CNTNAP2: variants seen among roughly 807,000 people sequenced by gnomAD.
CNTNAP2 encodes the protein contactin associated protein 2.
In CNTNAP2, 98 loss-of-function variants were observed where a neutral mutation model predicts 155.2. That is an observed-to-expected ratio of 0.63 (90% CI 0.54 to 0.75). The LOEUF is 0.75. Ranked by LOEUF, CNTNAP2 falls within the 30% of genes least tolerant of loss-of-function variation. The pLI is 0.00. For missense variants in CNTNAP2, 1,727 were observed against 1,688.1 expected (o/e 1.02, Z -0.40); for synonymous variants, 651 against 631.2 (o/e 1.03, Z -0.47).
intron 1 of CNTNAP2, among the ~76,000 whole-genome samples, chr7:146,158,055 G>A (rs1255758037): frequency 1.3e-5 from 2 of 152,154 alleles, no homozygotes; most frequent in South Asian, 2.1e-4. Context: ...GAAAGATCAG[G>A]CAGCAACATC....
chr7:148,395,577 G>A (rs1003183267), intron 22 of CNTNAP2, among the ~76,000 whole-genome samples: 2 of 152,058 alleles, frequency 1.3e-5, no homozygotes, highest in Non-Finnish European at 2.9e-5. Context: ...TTGGGGGTGC[G>A]CTCTGTCAAG....
chr7:146,576,930 C>A (rs904533559), intron 1 of CNTNAP2, among the ~76,000 whole-genome samples: 2 of 152,034 alleles, frequency 1.3e-5, no homozygotes, highest in African/African-American at 4.8e-5. Flanking sequence ...GAGGGCTCCA[C>A]CATAATAACT....
intron 3 of CNTNAP2, among the ~76,000 whole-genome samples, chr7:146,947,765 G>A (rs1797220674): frequency 6.6e-6 from 1 of 151,214 alleles, no homozygotes; most frequent in African/African-American, 2.4e-5. Context: ...AAAATTAGCT[G>A]GACATGGTGG....
At chr7:146,749,736 T>A (rs1203055211) in intron 1 of CNTNAP2, among the ~76,000 whole-genome samples, 1 of 152,130 alleles carries the variant, frequency 6.6e-6, no homozygotes, top group Admixed American at 6.5e-5. Context: ...TTAAACAAAT[T>A]TAATTGTGGT....
intron 17 of CNTNAP2, among the ~76,000 whole-genome samples, chr7:148,159,603 G>A (rs567077643): frequency 6.6e-6 from 1 of 152,038 alleles, no homozygotes; most frequent in Non-Finnish European, 1.5e-5. Context: ...AACCCTCCAG[G>A]GAATATATTT....
chr7:146,506,279 G>A (rs1396838427), intron 1 of CNTNAP2, among the ~76,000 whole-genome samples: 1 of 152,180 alleles, frequency 6.6e-6, no homozygotes, highest in Admixed American at 6.5e-5. Context: ...CTAGTCAAGA[G>A]CATCCACCCT....
chr7:146,843,228 G>T (rs1449534507), intron 3 of CNTNAP2, among the ~76,000 whole-genome samples: 1 of 141,610 alleles, frequency 7.1e-6, no homozygotes, highest in Non-Finnish European at 1.5e-5. Context: ...TAGCCAGGAT[G>T]GTCTCGATCT....
intron 9 of CNTNAP2, among the ~76,000 whole-genome samples, chr7:147,341,832 C>T (rs1342966295): frequency 1.3e-5 from 2 of 151,086 alleles, no homozygotes; most frequent in African/African-American, 4.9e-5. Context: ...ATATAAGAAA[C>T]CATTTATTCA....
At chr7:148,120,367 G>T (rs887092710) in intron 16 of CNTNAP2, among the ~76,000 whole-genome samples, 1 of 151,730 alleles carries the variant, frequency 6.6e-6, no homozygotes, top group African/African-American at 2.4e-5. Flanking sequence ...CCCAGGCTCA[G>T]GTGATCCTCC....
At chr7:146,906,095 G>A (rs988973553) in intron 3 of CNTNAP2, among the ~76,000 whole-genome samples, 6 of 152,206 alleles carry the variant, frequency 3.9e-5, no homozygotes, top group Admixed American at 6.5e-5. Flanking sequence ...CTTTCAGACC[G>A]GCTTAAAAAA....
intron 13 of CNTNAP2, among the ~76,000 whole-genome samples, chr7:147,779,553 A>G (rs907875503): frequency 1.4e-4 from 22 of 152,150 alleles, no homozygotes; most frequent in African/African-American, 4.8e-4. Flanking sequence ...ATGTAATCTC[A>G]TTTTTTCAAG....
At chr7:148,323,262 T>G (rs1185284773) in intron 21 of CNTNAP2, among the ~76,000 whole-genome samples, 1 of 151,276 alleles carries the variant, frequency 6.6e-6, no homozygotes, top group African/African-American at 2.4e-5. Context: ...TGGTCCTTCT[T>G]CTGTGCCATA....
chr7:147,306,776 C>T (rs945163022), intron 9 of CNTNAP2, among the ~76,000 whole-genome samples: 6 of 151,922 alleles, frequency 3.9e-5, no homozygotes, highest in Admixed American at 1.3e-4. Flanking sequence ...TTGGTTGACC[C>T]GAAAAATTTT....
chr7:147,385,477 G>C (rs1001560915), intron 9 of CNTNAP2, among the ~76,000 whole-genome samples: 1 of 152,200 alleles, frequency 6.6e-6, no homozygotes, highest in African/African-American at 2.4e-5. Flanking sequence ...CAGGCATTGG[G>C]TTACTAGAGC....
chr7:147,013,722 A>G (rs1798667963), intron 3 of CNTNAP2, among the ~76,000 whole-genome samples: 1 of 152,148 alleles, frequency 6.6e-6, no homozygotes, highest in Non-Finnish European at 1.5e-5. Flanking sequence ...CTTGTGACAT[A>G]TAAGGAAGTA....
intron 1 of CNTNAP2, among the ~76,000 whole-genome samples, chr7:146,265,494 C>T (rs754619639): frequency 7.4e-5 from 11 of 148,828 alleles, no homozygotes; most frequent in Non-Finnish European, 1.6e-4. Flanking sequence ...GTTTCACTCC[C>T]GTCATCCAGA....
At chr7:147,674,539 A>G (rs1000451748) in intron 13 of CNTNAP2, among the ~76,000 whole-genome samples, 4 of 152,174 alleles carry the variant, frequency 2.6e-5, no homozygotes, top group Non-Finnish European at 4.4e-5. Flanking sequence ...TATTATTTAT[A>G]GAGTTATTTA....
intron 3 of CNTNAP2, among the ~76,000 whole-genome samples, chr7:146,897,333 G>A (rs1795898569): frequency 6.6e-6 from 1 of 152,126 alleles, no homozygotes; most frequent in South Asian, 2.1e-4. Flanking sequence ...GGCCATGTTT[G>A]AACTTGGAGG....
intron 13 of CNTNAP2, among the ~76,000 whole-genome samples, chr7:147,851,827 T>C (rs1003988560): frequency 2.0e-5 from 3 of 151,794 alleles, no homozygotes; most frequent in Non-Finnish European, 4.4e-5. Context: ...AGTTAATGGG[T>C]GCAGCACACC....
Sources: gnomAD v4.1 joint callset for allele counts (sites outside exome capture counted in the v4.1 genomes callset) on GRCh38, gnomAD v4.1.1 for gene constraint, MANE v1.5 for transcripts, NCBI Gene and HGNC (gene_info 2026-07-23, HGNC 2026-07-21) for gene names.